RFX3: variants seen among roughly 807,000 people sequenced by gnomAD.
RFX3 encodes transcription factor RFX3.
Under a neutral mutation model 98.6 loss-of-function variants are expected in RFX3, and 14 were observed. The ratio of observed to expected loss-of-function variants is 0.14; its 90% CI spans 0.09 to 0.22. The LOEUF is 0.22. RFX3 is among the 10% of genes least tolerant of loss of function. RFX3 has a pLI of 1.00. For synonymous variants in RFX3, 383 were observed against 328.4 expected (o/e 1.17, Z -1.80); for missense variants, 639 against 926.9 (o/e 0.69, Z 4.03).
chr9:3,284,358 C>T (rs988593794), intron 7 of RFX3, among the ~76,000 whole-genome samples: 1 of 151,824 alleles, frequency 6.6e-6, no homozygotes, highest in East Asian at 1.9e-4. Flanking sequence ...ATCTAACTTA[C>T]TTATTATCTA....
At chr9:3,365,923 G>A (rs1277933405) in intron 2 of RFX3, among the ~76,000 whole-genome samples, 1 of 151,656 alleles carries the variant, frequency 6.6e-6, no homozygotes, top group Non-Finnish European at 1.5e-5. Context: ...CTCTAACTTA[G>A]AAAATGTTTC....
At chr9:3,511,051 A>G (rs1265272864) in intron 1 of RFX3, among the ~76,000 whole-genome samples, 1 of 152,004 alleles carries the variant, frequency 6.6e-6, no homozygotes, top group Non-Finnish European at 1.5e-5. Flanking sequence ...ATATTTTTAA[A>G]GACCGCCACA....
chr9:3,472,562 G>C (rs1016572504), intron 1 of RFX3, among the ~76,000 whole-genome samples: 2 of 152,084 alleles, frequency 1.3e-5, no homozygotes, highest in Non-Finnish European at 2.9e-5. Context: ...AGACAGCAAA[G>C]TATAATTCCA....
At chr9:3,270,027 T>A (rs780926591) in intron 11 of RFX3, among the ~76,000 whole-genome samples, 2 of 144,126 alleles carry the variant, frequency 1.4e-5, no homozygotes, top group African/African-American at 5.4e-5. Flanking sequence ...GGCTGTTATA[T>A]CTACAGGTTG....
chr9:3,282,300 G>A (rs1161610805), intron 7 of RFX3, among the ~76,000 whole-genome samples: 1 of 151,730 alleles, frequency 6.6e-6, no homozygotes, highest in Non-Finnish European at 1.5e-5. Flanking sequence ...GATAATATAT[G>A]CAAATGACTT....
intron 2 of RFX3, among the ~76,000 whole-genome samples, chr9:3,375,207 G>A (rs771878224): frequency 6.6e-6 from 1 of 152,112 alleles, no homozygotes; most frequent in Non-Finnish European, 1.5e-5. Flanking sequence ...TCTTTCCAAA[G>A]CTGTCATCTC....
At chr9:3,319,080 T>C (rs1208422034) in intron 4 of RFX3, among the ~76,000 whole-genome samples, 1 of 152,260 alleles carries the variant, frequency 6.6e-6, no homozygotes, top group African/African-American at 2.4e-5. Context: ...AACTCCATCT[T>C]ACATTTTCAA....
intron 15 of RFX3, among the ~76,000 whole-genome samples, chr9:3,233,230 A>G (rs1438653273): frequency 6.6e-6 from 1 of 152,224 alleles, no homozygotes; most frequent in Non-Finnish European, 1.5e-5. Flanking sequence ...AGTGGGCAAC[A>G]GCTTAGCACA....
chr9:3,523,139 G>C (rs1818884703), intron 1 of RFX3, among the ~76,000 whole-genome samples: 1 of 152,146 alleles, frequency 6.6e-6, no homozygotes, highest in Admixed American at 6.5e-5. Flanking sequence ...AAACGACTGA[G>C]TTAGGCATTA....
intron 1 of RFX3, among the ~76,000 whole-genome samples, chr9:3,415,422 T>C (rs897390685): frequency 6.6e-6 from 1 of 151,796 alleles, no homozygotes; most frequent in African/African-American, 2.4e-5. Flanking sequence ...TGATTAGCAT[T>C]TTTAATATAC....
intron 2 of RFX3, among the ~76,000 whole-genome samples, chr9:3,361,483 C>G (rs1283293541): frequency 1.3e-5 from 2 of 151,568 alleles, no homozygotes; most frequent in Admixed American, 1.3e-4. Flanking sequence ...AATCATAAAC[C>G]TGAAAACAGC....
intron 7 of RFX3, among the ~76,000 whole-genome samples, chr9:3,278,492 C>T (rs928012655): frequency 2.6e-5 from 4 of 151,752 alleles, no homozygotes; most frequent in African/African-American, 4.8e-5. Context: ...GTATTCTCAC[C>T]ATCCAGACAC....
intron 1 of RFX3, among the ~76,000 whole-genome samples, chr9:3,507,564 T>C (rs1817225222): frequency 6.6e-6 from 1 of 151,898 alleles, no homozygotes. Flanking sequence ...AAGTTCATGC[T>C]CTTAACCAAT....
At chr9:3,296,542 T>A (rs1586925725) in intron 5 of RFX3, among the ~76,000 whole-genome samples, 1 of 152,100 alleles carries the variant, frequency 6.6e-6, no homozygotes, top group Admixed American at 6.6e-5. Flanking sequence ...TTTGTTTATA[T>A]GTATATATGC....
chr9:3,279,152 C>T (rs1825613287), intron 7 of RFX3, among the ~76,000 whole-genome samples: 1 of 151,726 alleles, frequency 6.6e-6, no homozygotes, highest in African/African-American at 2.4e-5. Context: ...ACTTTGTGTA[C>T]ATGTGCGGCA....
chr9:3,338,187 A>G (rs1200507050), intron 3 of RFX3, among the ~76,000 whole-genome samples: 3 of 152,244 alleles, frequency 2.0e-5, no homozygotes. Flanking sequence ...TAGGTTAAAT[A>G]TAAAGTAATA....
chr9:3,337,921 A>G (rs1233020682), intron 3 of RFX3, among the ~76,000 whole-genome samples: 1 of 152,186 alleles, frequency 6.6e-6, no homozygotes, highest in African/African-American at 2.4e-5. Context: ...CATTATTTGG[A>G]ATCTTCAACA....
At chr9:3,409,823 C>G (rs1412165473) in intron 1 of RFX3, among the ~76,000 whole-genome samples, 4 of 152,000 alleles carry the variant, frequency 2.6e-5, no homozygotes, top group Non-Finnish European at 5.9e-5. Flanking sequence ...GTATTCAGAT[C>G]ATCCAGTGCA....
chr9:3,336,993 T>C (rs1403735349), intron 3 of RFX3, among the ~76,000 whole-genome samples: 2 of 152,222 alleles, frequency 1.3e-5, no homozygotes, highest in Non-Finnish European at 2.9e-5. Context: ...CGGTGGATGA[T>C]AGTTTTAAAA....
Sources: gnomAD v4.1 joint callset for allele counts (sites outside exome capture counted in the v4.1 genomes callset) on GRCh38, gnomAD v4.1.1 for gene constraint, MANE v1.5 for transcripts, NCBI Gene and HGNC (gene_info 2026-07-23, HGNC 2026-07-21) for gene names.